SLC30A6: variants seen among roughly 807,000 people sequenced by gnomAD.
SLC30A6 encodes the protein zinc transporter 6.
Under a neutral mutation model 63.0 loss-of-function variants are expected in SLC30A6, and 55 were observed. The observed-to-expected ratio is 0.87, with a 90% confidence interval of 0.70 to 1.09. SLC30A6 has a LOEUF of 1.09. SLC30A6 is among the 50% of genes least tolerant of loss of function. The pLI is 0.00. For synonymous variants in SLC30A6, 224 were observed against 186.1 expected (o/e 1.20, Z -1.66); for missense variants, 587 against 549.2 (o/e 1.07, Z -0.69).
At chr2:32,218,201 G>T (rs936804018) in intron 13 of SLC30A6, among the ~76,000 whole-genome samples, 1 of 151,996 alleles carries the variant, frequency 6.6e-6, no homozygotes, top group Admixed American at 6.6e-5. Flanking sequence ...CAGGAGGATC[G>T]CTTGAACCTA....
intron 4 of SLC30A6, among the ~76,000 whole-genome samples, chr2:32,178,727 T>A (rs1414944256): frequency 6.6e-6 from 1 of 152,176 alleles, no homozygotes; most frequent in Non-Finnish European, 1.5e-5. Flanking sequence ...ACTGTGAATG[T>A]TTATTTTTGG....
chr2:32,215,071 T>C (rs552131841), intron 13 of SLC30A6, among the ~76,000 whole-genome samples: 2 of 152,248 alleles, frequency 1.3e-5, no homozygotes, highest in Non-Finnish European at 2.9e-5. Context: ...TCAGATACAG[T>C]GTTACTAAAC....
intron 10 of SLC30A6, chr2:32,201,502 C>T (rs1001368695): frequency 2.9e-5 from 15 of 520,876 alleles, no homozygotes; most frequent in Admixed American, 7.9e-5. Context: ...CACACAGCCA[C>T]GGCTGAGTGG....
rs1686114336 is a variant in SLC30A6 at position 32,221,066 on chromosome 2, T to G, written c.*353T>G. 4.8e-6 allele frequency: 1 copy of G among 207,316 alleles called. No homozygotes were observed. 12.8% of individuals were successfully genotyped at this position (207,316 alleles called of 1,614,324 possible). ...CATTACTAAGATACGATATTTCTTT[T>G]TTTTTCCGAGACGGAGTCTTGCTCT... is the stretch of plus-strand genomic sequence containing the variant. On this transcript the variant is annotated 3_prime_UTR_variant, in exon 14 of 14. Coordinates refer to ENST00000282587, the MANE Select transcript of SLC30A6 (RefSeq NM_017964.5).
At chr2:32,194,405 A>G (rs928385354) in intron 8 of SLC30A6, among the ~76,000 whole-genome samples, 1 of 152,218 alleles carries the variant, frequency 6.6e-6, no homozygotes, top group Non-Finnish European at 1.5e-5. Flanking sequence ...CTCTTTGGCA[A>G]TGGTGGATGG....
At chr2:32,205,772 A>G (rs1038064634) in intron 11 of SLC30A6, among the ~76,000 whole-genome samples, 13 of 145,004 alleles carry the variant, frequency 9.0e-5, no homozygotes, top group Non-Finnish European at 1.2e-4. Flanking sequence ...GGTTCAAGCG[A>G]TTCTCCTACC....
At position 32,220,653 on chromosome 2, in the gene SLC30A6, T is replaced by A; in HGVS notation, c.1326T>A (p.Gly442=). Residue 442 remains glycine (G), a synonymous_variant, in exon 14 of 14, where the codon GGT becomes GGA. Coordinates refer to ENST00000282587, the MANE Select transcript of SLC30A6 (RefSeq NM_017964.5). Reference sequence around the variant, plus strand: ...GAGCAACTCAAGGATTGAGGACTGGTTTTACAAATATACCAAGTAGATATG... The same window carrying A: ...GAGCAACTCAAGGATTGAGGACTGGATTTACAAATATACCAAGTAGATATG... ...GIGATQGLRT[G]FTNIPSRYGT... The A allele has an allele frequency of 6.2e-7, 1 of 1,614,074 alleles. No individual in the cohort carries two copies. The highest frequency in any genetic ancestry group is 8.5e-7 in the Non-Finnish European group (1 of 1,179,942).
Position 32,203,050 on chromosome 2 carries a change from G to A in SLC30A6, c.666-1540G>A, listed in dbSNP as rs373680233. 21 of 1,254,778 alleles carry A rather than the reference G, an allele frequency of 1.7e-5. No individual in the cohort carries two copies. In the East Asian group the frequency reaches 2.5e-4, roughly 15 times the overall value. The allele number at this position is 1,254,778 out of a possible 1,614,324, so 77.7% of individuals were successfully genotyped here. On this transcript the variant is annotated intron_variant, in intron 10 of 13. Transcript: ENST00000282587. The stretch of plus-strand genomic sequence containing the variant: ...CCACACATAAAACAGAATGCCCAGT[G>A]TTTACATGGGGACATTGCACAGTCA...
intron 1 of SLC30A6, among the ~76,000 whole-genome samples, chr2:32,168,387 CTG>C (rs1260489228): frequency 6.7e-6 from 1 of 149,292 alleles, no homozygotes; most frequent in Non-Finnish European, 1.5e-5. Flanking sequence ...TATTAACATG[CTG>C]TGTGAAAACA....
At position 32,220,176 on chromosome 2, in the gene SLC30A6, C is replaced by T. The variant is rs1245509490; in HGVS notation, c.886-37C>T. ...TAATGAATTTTTTGTTAGTATAATT[C>T]TAAGCAATCTCTTTGTTATGATTTT... On this transcript the variant is annotated intron_variant, in intron 13 of 13. Coordinates refer to ENST00000282587, the MANE Select transcript of SLC30A6 (RefSeq NM_017964.5). The T allele has an allele frequency of 2.7e-5, 42 of 1,575,618 alleles. No homozygotes were observed. The Admixed American group carries it at 7.6e-4, about 29-fold the overall frequency.
intron 10 of SLC30A6, chr2:32,202,090 G>A: frequency 2.6e-6 from 2 of 780,038 alleles, no homozygotes; most frequent in Non-Finnish European, 4.1e-6. Context: ...GAAGCTAGAG[G>A]AGACCTTAAC....
At chr2:32,173,753 C>T (rs1413995851) in intron 2 of SLC30A6, among the ~76,000 whole-genome samples, 1 of 152,132 alleles carries the variant, frequency 6.6e-6, no homozygotes, top group Non-Finnish European at 1.5e-5. Flanking sequence ...ATCGTTGTCT[C>T]TATAATATGT....
At chr2:32,202,095 C>A in intron 10 of SLC30A6, 1 of 763,950 alleles carries the variant, frequency 1.3e-6, no homozygotes, top group Non-Finnish European at 2.1e-6. Flanking sequence ...TAGAGGAGAC[C>A]TTAACACATG....
chr2:32,191,014 T>C (rs144613765), intron 5 of SLC30A6, among the ~76,000 whole-genome samples: 1 of 152,226 alleles, frequency 6.6e-6, no homozygotes, highest in Non-Finnish European at 1.5e-5. Flanking sequence ...TACAATTTGG[T>C]GTATTTGTAC....
intron 10 of SLC30A6, chr2:32,201,476 A>G: frequency 2.3e-6 from 1 of 428,362 alleles, no homozygotes; most frequent in Admixed American, 4.4e-5. Flanking sequence ...TGTATCAAAA[A>G]TTACTAGTTG....
chr2:32,201,124 A>T (rs1684255317), intron 10 of SLC30A6, among the ~76,000 whole-genome samples: 1 of 152,192 alleles, frequency 6.6e-6, no homozygotes. Flanking sequence ...TACTCTGTAG[A>T]CATTTCTGCC....
At chr2:32,217,376 G>A (rs565003745) in intron 13 of SLC30A6, among the ~76,000 whole-genome samples, 1 of 152,340 alleles carries the variant, frequency 6.6e-6, no homozygotes, top group South Asian at 2.1e-4. Flanking sequence ...TCAGATGGCT[G>A]TAGGTATGTG....
At chr2:32,203,600 T>G (rs1684484151) in intron 10 of SLC30A6, 1 of 1,592,684 alleles carries the variant, frequency 6.3e-7, no homozygotes, top group Admixed American at 1.7e-5. Flanking sequence ...ATACAGGATG[T>G]CAGCTGTGCT....
chr2:32,220,691 G>T lies in SLC30A6; in HGVS notation c.1364G>T (p.Arg455Ile), dbSNP rs1346887966. ...CCAAGTAGATATGGAACTAATAATA[G>T]AATTGGACAACCAAGACCATGATAG... ...NIPSRYGTNNRIGQPRP is the reference protein window; with the variant it reads ...NIPSRYGTNNIIGQPRP The change falls in exon 14 of 14, where the codon AGA becomes ATA. Residue 455 changes from arginine (R) to isoleucine (I), a missense_variant. Transcript: ENST00000282587. The T allele has an allele frequency of 8.1e-6, 13 of 1,613,464 alleles. No individual in the cohort carries two copies. In the South Asian group the frequency reaches 1.4e-4, roughly 18 times the overall value.
Sources: allele counts gnomAD v4.1 joint callset (sites outside exome capture counted in the v4.1 genomes callset), GRCh38; gene constraint gnomAD v4.1.1; transcripts MANE v1.5; gene names NCBI Gene and HGNC (gene_info 2026-07-23, HGNC 2026-07-21).